FRMD4A: variants seen among roughly 807,000 people sequenced by gnomAD.
FRMD4A encodes the protein FERM domain containing 4A.
FRMD4A carries 29 observed loss-of-function variants against 129.1 expected under a neutral mutation model. The observed-to-expected ratio is 0.22, with a 90% CI of 0.17 to 0.31. The LOEUF (loss-of-function observed/expected upper bound fraction) is 0.31. Among genes scored for constraint, FRMD4A ranks in the 10% least tolerant of loss-of-function variants. The probability of loss-of-function intolerance (pLI) is 1.00; values close to 1 mark genes in which losing one functional copy is unlikely to be tolerated. For synonymous variants in FRMD4A, 634 were observed against 571.6 expected, an observed-to-expected ratio of 1.11 and a Z score of -1.56; for missense variants, 1,272 against 1,375.8, an observed-to-expected ratio of 0.92 and a Z score of 1.19.
chr10:13,772,296 T>C lies in FRMD4A; in HGVS notation c.385-9616A>G, dbSNP rs1396620566. ...AAACTTATACAGGTGAAATATTAGATTCCTGATGTAATCTTAGAGACCAGA... is the reference window on the plus strand; with the variant it reads ...AAACTTATACAGGTGAAATATTAGACTCCTGATGTAATCTTAGAGACCAGA... On this transcript the variant is annotated intron_variant, in intron 6 of 24. Coordinates refer to ENST00000357447, the MANE Select transcript of FRMD4A (RefSeq NM_018027.5). Among the ~76,000 whole-genome samples, 5 of 151,266 alleles carry C rather than the reference T, an allele frequency of 3.3e-5. No individual in the cohort carries two copies. The East Asian group carries it at 9.7e-4, about 29-fold the overall frequency.
chr10:14,186,079 C>T (rs1842136851), intron 2 of FRMD4A, among the ~76,000 whole-genome samples: 1 of 151,702 alleles, frequency 6.6e-6, no homozygotes, highest in East Asian at 1.9e-4. Context: ...AAACCATCGT[C>T]CAAAGAGACA....
chr10:14,261,983 CACA>C (rs1844821028), intron 2 of FRMD4A, among the ~76,000 whole-genome samples: 1 of 146,726 alleles, frequency 6.8e-6, no homozygotes, highest in African/African-American at 2.6e-5. Flanking sequence ...CACACACACA[CACA>C]CCTCATTTTC....
intron 2 of FRMD4A, among the ~76,000 whole-genome samples, chr10:13,904,309 T>C (rs1327490912): frequency 6.6e-6 from 1 of 152,156 alleles, no homozygotes; most frequent in Non-Finnish European, 1.5e-5. Context: ...CGGCCGTACA[T>C]CTGCGCGGAA....
chr10:14,138,699 G>T (rs1257407361), intron 2 of FRMD4A, among the ~76,000 whole-genome samples: 1 of 151,880 alleles, frequency 6.6e-6, no homozygotes. Flanking sequence ...GGTGGAGGTT[G>T]CAGTGAGCCG....
At chr10:14,314,751 C>G (rs186253678) in intron 2 of FRMD4A, among the ~76,000 whole-genome samples, 15 of 152,226 alleles carry the variant, frequency 9.9e-5, no homozygotes, top group African/African-American at 3.6e-4. Flanking sequence ...TAAAATCTCT[C>G]CCTGGTTTCG....
In FRMD4A at chr10:13,913,767, G is replaced by C. The variant is rs373254685; in HGVS notation, c.46-54855C>G. ...ACTTAGTAACTAGGACTAGTACTAA[G>C]GATACAGTTAGTGAACAAAATAGAC... On this transcript the variant is annotated intron_variant, in intron 2 of 24. Transcript: ENST00000357447. Among the ~76,000 whole-genome samples the C allele has an allele frequency of 4.1e-4, 63 of 152,318 alleles. No individual in the cohort carries two copies. In the East Asian group the frequency reaches 7.9e-3, roughly 19 times the overall value.
At chr10:13,969,138 C>T (rs2095503082) in intron 2 of FRMD4A, among the ~76,000 whole-genome samples, 1 of 152,230 alleles carries the variant, frequency 6.6e-6, no homozygotes, top group Non-Finnish European at 1.5e-5. Context: ...TCTCCCAGGC[C>T]CCTCGGCCTG....
chr10:13,791,437 C>G (rs1405191573), intron 5 of FRMD4A, among the ~76,000 whole-genome samples: 1 of 130,556 alleles, frequency 7.7e-6, no homozygotes, highest in Non-Finnish European at 1.7e-5. Context: ...CAGTCCAACC[C>G]TGCGGGTGGG....
rs1173975364 is a variant in FRMD4A, at chr10:13,701,380, A to C, written c.935T>G (p.Ile312Arg). 6.2e-7 allele frequency: 1 copy of C among 1,613,906 alleles called. No individual in the cohort carries two copies. The highest frequency in any genetic ancestry group is 8.5e-7 in the Non-Finnish European group (1 of 1,179,890). The change falls in exon 14 of 25, where the codon ATA becomes AGA. Residue 312 changes from isoleucine (I) to arginine (R), a missense_variant. Ile to Arg is a moderately conservative substitution (Grantham distance 97). Around this residue, in one of 2 missense-constraint regions of FRMD4A, gnomAD observed 300 missense variants for 483.6 expected, o/e 0.62. Transcript: ENST00000357447. The part of the protein sequence containing the change: ...ALIKSIWAMA[I>R]SQHQFYLDRK... ...GTCCAGATAGAACTGGTGTTGGCTT[A>C]TGGCCATAGCCCAGATGGACTTGAT...
In FRMD4A at chr10:14,098,330, CA is replaced by C. The variant is rs761494469; in HGVS notation, c.45+231727del. The stretch of plus-strand genomic sequence containing the variant: ...ATCATATCATTCTCTCCAATATTCT[CA>C]ACGCAACATTTCTCAACATTTCCTT... On this transcript the variant is annotated intron_variant, in intron 2 of 24. Transcript: ENST00000357447. Among the ~76,000 whole-genome samples the C allele has an allele frequency of 2.2e-3, 330 of 151,110 alleles. 2 individuals carry two copies. Among genetic ancestry groups the C allele is most frequent in the Non-Finnish European group, 2.9e-3 (196 of 67,816 alleles).
intron 5 of FRMD4A, among the ~76,000 whole-genome samples, chr10:13,796,083 A>T (rs1407587093): frequency 6.6e-6 from 1 of 152,228 alleles, no homozygotes; most frequent in Non-Finnish European, 1.5e-5. Flanking sequence ...TAAACTACCC[A>T]GGTTTCACGA....
chr10:13,658,881 CAAAA>C (rs60536121), intron 21 of FRMD4A, among the ~76,000 whole-genome samples: 2 of 75,182 alleles, frequency 2.7e-5, no homozygotes, highest in Non-Finnish European at 3.3e-5. Flanking sequence ...GACTCCATCT[CAAAA>C]AAAAAAAAAA....
At chr10:13,986,463 C>A (rs971461857) in intron 2 of FRMD4A, among the ~76,000 whole-genome samples, 2 of 126,648 alleles carry the variant, frequency 1.6e-5, no homozygotes, top group Non-Finnish European at 3.2e-5. Context: ...CACATGGACA[C>A]AGGAAGGGGA....
intron 15 of FRMD4A, among the ~76,000 whole-genome samples, chr10:13,677,932 A>C (rs1032142182): frequency 6.6e-6 from 1 of 152,220 alleles, no homozygotes; most frequent in Non-Finnish European, 1.5e-5. Flanking sequence ...TGAAAAATTC[A>C]TTGTTTTCCC....
At chr10:13,731,743 G>T (rs1424019420) in intron 12 of FRMD4A, among the ~76,000 whole-genome samples, 2 of 152,012 alleles carry the variant, frequency 1.3e-5, no homozygotes, top group African/African-American at 2.4e-5. Context: ...ATGCAAGCAA[G>T]GGCTGATATT....
At chr10:13,935,113 C>T (rs1400076922) in intron 2 of FRMD4A, among the ~76,000 whole-genome samples, 1 of 151,982 alleles carries the variant, frequency 6.6e-6, no homozygotes, top group Non-Finnish European at 1.5e-5. Context: ...CATGAAAATC[C>T]AAGATTAGAG....
In FRMD4A at chr10:13,707,077, T is replaced by G. The variant is rs370690980; in HGVS notation, c.796A>C (p.Arg266=). The G allele has an allele frequency of 1.3e-5, 20 of 1,596,928 alleles. No individual in the cohort carries two copies. The highest frequency in any genetic ancestry group is 1.7e-5 in the Non-Finnish European group (20 of 1,164,404). ...QWRQLENLYF[R]EKKFSVEVHD... is the part of the protein sequence containing the mutation. Reference sequence around the variant, plus strand: ...ACTTCCACGGAAAACTTCTTTTCTCTGAAGTACAGGTTTTCCAACTGTCTC... The same window carrying G: ...ACTTCCACGGAAAACTTCTTTTCTCGGAAGTACAGGTTTTCCAACTGTCTC... Residue 266 remains arginine (R), a synonymous_variant, in exon 13 of 25, where the codon AGA becomes CGA. Coordinates refer to ENST00000357447, the MANE Select transcript of FRMD4A (RefSeq NM_018027.5).
At chr10:14,154,315 ATCTG>A (rs951786977) in intron 2 of FRMD4A, among the ~76,000 whole-genome samples, 13 of 152,104 alleles carry the variant, frequency 8.5e-5, no homozygotes, top group African/African-American at 3.1e-4. Flanking sequence ...AGCATTGCAA[ATCTG>A]TCTGTTTCCA....
chr10:13,835,448 C>T (rs1209737488), intron 3 of FRMD4A, among the ~76,000 whole-genome samples: 2 of 152,120 alleles, frequency 1.3e-5, no homozygotes, highest in African/African-American at 2.4e-5. Flanking sequence ...GTACAGGAAC[C>T]GGGCTCCACA....
Sources: gnomAD v4.1 joint callset for allele counts (sites outside exome capture counted in the v4.1 genomes callset) on GRCh38, gnomAD v4.1.1 for gene constraint, gnomAD v4.1.1 regional missense constraint, MANE v1.5 for transcripts, NCBI Gene and HGNC (gene_info 2026-07-23, HGNC 2026-07-21) for gene names.